BABAM2: variants seen among roughly 807,000 people sequenced by gnomAD.
BABAM2 encodes BRISC and BRCA1 A complex member 2.
A neutral mutation model predicts 54.7 loss-of-function variants in BABAM2; 31 were observed. That is an observed-to-expected ratio of 0.57 (90% CI 0.43 to 0.77). The LOEUF (loss-of-function observed/expected upper bound fraction) is 0.77. Ranked by LOEUF, BABAM2 falls within the 30% of genes least tolerant of loss-of-function variation. The pLI, the probability that BABAM2 is intolerant of heterozygous loss-of-function variation, is 0.00. For missense variants in BABAM2, 364 were observed against 455.8 expected (o/e 0.80, Z 1.83); for synonymous variants, 167 against 162.9 (o/e 1.03, Z -0.19).
intron 6 of BABAM2, among the ~76,000 whole-genome samples, chr2:28,073,365 G>A (rs1235677746): frequency 6.6e-6 from 1 of 152,054 alleles, no homozygotes; most frequent in African/African-American, 2.4e-5. Context: ...AGTTGTCGTG[G>A]TGTGCTTCTG....
chr2:28,289,229 T>C (rs1227949855), intron 10 of BABAM2, among the ~76,000 whole-genome samples: 1 of 152,148 alleles, frequency 6.6e-6, no homozygotes, highest in Non-Finnish European at 1.5e-5. Context: ...ACTGCCCTCT[T>C]GATTTTCTCA....
At chr2:28,254,471 C>G (rs1683784565) in intron 10 of BABAM2, among the ~76,000 whole-genome samples, 1 of 151,466 alleles carries the variant, frequency 6.6e-6, no homozygotes, top group Admixed American at 6.6e-5. Context: ...CTGAATAAAT[C>G]CAGACATTTC....
intron 6 of BABAM2, among the ~76,000 whole-genome samples, chr2:28,115,592 C>T (rs1037812395): frequency 3.3e-5 from 5 of 151,584 alleles, no homozygotes; most frequent in African/African-American, 9.7e-5. Context: ...TGCCACTGCA[C>T]TCCAGCCTGG....
chr2:28,131,076 A>ATTTT (rs1179062903), intron 7 of BABAM2, among the ~76,000 whole-genome samples: 9 of 5,124 alleles, frequency 1.8e-3, no homozygotes, highest in African/African-American at 3.7e-3. Flanking sequence ...TATTATTATT[A>ATTTT]TTATTTTTTT....
chr2:28,029,846 T>A (rs1412337948), intron 5 of BABAM2, among the ~76,000 whole-genome samples: 7 of 152,234 alleles, frequency 4.6e-5, no homozygotes. Context: ...AAACTATGGA[T>A]TGTTTTGAAA....
chr2:28,244,981 A>G (rs1682785554), intron 10 of BABAM2, 119 bp downstream of exon 10: 2 of 716,030 alleles, frequency 2.8e-6, no homozygotes, highest in Non-Finnish European at 4.3e-6. Context: ...TGTAGCGTAT[A>G]TATATATTTA....
At chr2:28,309,820 C>A in intron 11 of BABAM2, 1 of 424,260 alleles carries the variant, frequency 2.4e-6, no homozygotes. Flanking sequence ...AGGCCCAGGC[C>A]AACATAGCTC....
intron 3 of BABAM2, among the ~76,000 whole-genome samples, chr2:27,941,945 T>C (rs920582762): frequency 1.3e-5 from 2 of 152,206 alleles, no homozygotes; most frequent in African/African-American, 4.8e-5. Flanking sequence ...TTGCACATAA[T>C]GTTCTGGAGC....
chr2:28,302,052 C>T (rs1213134493), intron 11 of BABAM2, among the ~76,000 whole-genome samples: 11 of 152,080 alleles, frequency 7.2e-5, no homozygotes, highest in African/African-American at 2.4e-5. Context: ...TGAAATAATA[C>T]AGATCATACT....
chr2:28,013,340 C>T lies in BABAM2; in HGVS notation c.301-11886C>T, dbSNP rs1032061365. The T allele has an allele frequency of 8.8e-6, 4 of 455,520 alleles. No individual in the cohort carries two copies. In the Admixed American group the frequency reaches 9.4e-5, roughly 11 times the overall value. The allele number at this position is 455,520 out of a possible 1,614,324, so 28.2% of individuals were successfully genotyped here. A position where few individuals can be genotyped will look rare whatever the true frequency, so the allele number is the denominator to read the frequency against. On this transcript the variant is annotated intron_variant, in intron 4 of 11. Transcript: ENST00000379624. ...GATATTTGAACATGCCCTAGAATTC[C>T]TCTGTTAGTTGGAAGTTTGGCTTAC...
chr2:28,049,343 A>G (rs1677830899), intron 6 of BABAM2, among the ~76,000 whole-genome samples: 1 of 152,226 alleles, frequency 6.6e-6, no homozygotes, highest in African/African-American at 2.4e-5. Context: ...AAGAAAATCA[A>G]CATTAACTTT....
chr2:28,172,818 C>T (rs1208827051), intron 7 of BABAM2, among the ~76,000 whole-genome samples: 1 of 152,136 alleles, frequency 6.6e-6, no homozygotes, highest in Non-Finnish European at 1.5e-5. Context: ...AATCTATAAC[C>T]TTGTGTATTA....
intron 10 of BABAM2, among the ~76,000 whole-genome samples, chr2:28,286,213 C>T (rs1158706017): frequency 6.6e-6 from 1 of 152,128 alleles, no homozygotes; most frequent in Non-Finnish European, 1.5e-5. Flanking sequence ...CTCGGCCTCC[C>T]AAAGTGTTGG....
intron 11 of BABAM2, among the ~76,000 whole-genome samples, chr2:28,336,115 A>G (rs1691440944): frequency 6.6e-6 from 1 of 152,218 alleles, no homozygotes; most frequent in African/African-American, 2.4e-5. Context: ...CTGTAAGAGA[A>G]TCAGTGTAGC....
chr2:28,004,820 G>A (rs972005194), intron 4 of BABAM2, among the ~76,000 whole-genome samples: 1 of 151,872 alleles, frequency 6.6e-6, no homozygotes, highest in African/African-American at 2.4e-5. Context: ...CTGAGTAGCT[G>A]GGACCACACT....
intron 3 of BABAM2, among the ~76,000 whole-genome samples, chr2:27,967,877 A>G (rs570832025): frequency 6.6e-4 from 101 of 152,344 alleles, no homozygotes; most frequent in Non-Finnish European, 1.2e-3. Flanking sequence ...GAGATGATTT[A>G]GGTTTCCAGC....
At chr2:28,077,793 C>G (rs1409005655) in intron 6 of BABAM2, among the ~76,000 whole-genome samples, 1 of 152,084 alleles carries the variant, frequency 6.6e-6, no homozygotes, top group Non-Finnish European at 1.5e-5. Context: ...TCTTGATTCT[C>G]TAGAGTGACA....
At chr2:28,249,278 C>T (rs1350935646) in intron 10 of BABAM2, among the ~76,000 whole-genome samples, 3 of 151,648 alleles carry the variant, frequency 2.0e-5, no homozygotes, top group African/African-American at 4.8e-5. Context: ...TAGTAGAGAC[C>T]GGGTTTCACC....
upstream of BABAM2, among the ~76,000 whole-genome samples, chr2:27,889,749 GAC>G (rs1158198911): frequency 7.2e-5 from 11 of 152,214 alleles, no homozygotes; most frequent in Non-Finnish European, 1.2e-4. Flanking sequence ...GGTGAAAGGT[GAC>G]AGTCTTTTTG....
Sources: allele counts gnomAD v4.1 joint callset (sites outside exome capture counted in the v4.1 genomes callset), GRCh38; gene constraint gnomAD v4.1.1; transcripts MANE v1.5; gene names NCBI Gene and HGNC (gene_info 2026-07-23, HGNC 2026-07-21).